Variants in UMODL1 observed in about 807,000 individuals in gnomAD.
UMODL1 encodes the protein uromodulin like 1, also known as uromodulin-like 1.
Under a neutral mutation model 136.3 loss-of-function variants are expected in UMODL1, and 128 were observed. The ratio of observed to expected loss-of-function variants is 0.94; its 90% CI spans 0.81 to 1.09. The LOEUF (loss-of-function observed/expected upper bound fraction) is 1.09, where lower values mean the gene tolerates loss of function less well. UMODL1 is among the 50% of genes least tolerant of loss of function. The pLI is 0.00. For synonymous variants in UMODL1, 721 were observed against 720.0 expected (o/e 1.00, Z -0.02); for missense variants, 1,766 against 1,725.6 (o/e 1.02, Z -0.41).
At chr21:42,073,028 G>A (rs759686154) in intron 1 of UMODL1, among the ~76,000 whole-genome samples, 4 of 152,088 alleles carry the variant, frequency 2.6e-5, no homozygotes, top group African/African-American at 7.2e-5. Flanking sequence ...GTGTGCGCGC[G>A]CGCGTGTGTG....
At chr21:42,100,726 C>T (rs60789409) in intron 7 of UMODL1, among the ~76,000 whole-genome samples, 1,475 of 140,512 alleles carry the variant, frequency 0.01, 29 homozygotes, top group African/African-American at 0.039. Context: ...CCAGCAACCC[C>T]GTGCCCTCCT....
At chr21:42,133,282 C>G (rs934695539) in intron 21 of UMODL1, among the ~76,000 whole-genome samples, 3 of 152,242 alleles carry the variant, frequency 2.0e-5, no homozygotes, top group Admixed American at 6.5e-5. Flanking sequence ...ATCCCACGCT[C>G]TGTCCCTGCC....
Position 42,126,528 on chromosome 21 carries a change from G to C in UMODL1, c.3293+38G>C, listed in dbSNP as rs367911195. 23 of 1,613,634 alleles carry C rather than the reference G, an allele frequency of 1.4e-5. No homozygotes were observed. In the Admixed American group the frequency reaches 3.8e-4, roughly 27 times the overall value. On this transcript the variant is annotated intron_variant, in intron 18 of 22. Coordinates refer to ENST00000408910, the MANE Select transcript of UMODL1 (RefSeq NM_001004416.3). ...TGCCCCGGCTGCCCCACAGCCACGT[G>C]CCTCCAGACCACCTGCGCTTTGAGA...
chr21:42,093,131 T>G (rs1398727864), intron 6 of UMODL1, among the ~76,000 whole-genome samples: 1 of 152,252 alleles, frequency 6.6e-6, no homozygotes, highest in Non-Finnish European at 1.5e-5. Context: ...CCAGAAGAGT[T>G]GAATTATTTT....
chr21:42,115,095 G>A (rs550592059), intron 13 of UMODL1, among the ~76,000 whole-genome samples: 1 of 152,362 alleles, frequency 6.6e-6, no homozygotes, highest in South Asian at 2.1e-4. Flanking sequence ...GCTCTGGGGA[G>A]ATGGACTCTA....
upstream of UMODL1, among the ~76,000 whole-genome samples, chr21:42,070,994 C>A (rs539493699): frequency 4.6e-5 from 7 of 152,320 alleles, no homozygotes; most frequent in African/African-American, 9.6e-5. Context: ...TGCGTAACAA[C>A]GAGATGGGAT....
rs143171042 is a variant in UMODL1, at chr21:42,122,741, G to A, written c.2828-90G>A. On this transcript the variant is annotated intron_variant, in intron 16 of 22. Transcript: ENST00000408910. This position sits in a 1 kb window ranked among gnomAD's most constrained non-coding sequence, Gnocchi z 4.3. ...CAGGTGTGGCTGCTGCAGAGTGCAG[G>A]GCAGCTCCAGTCTGCTCCTTACCCC... 4.6e-3 allele frequency: 6,166 copies of A among 1,350,166 alleles called. 23 individuals carry two copies. The highest frequency in any genetic ancestry group is 0.015 in the South Asian group (1,045 of 67,646). The allele number at this position is 1,350,166 out of a possible 1,614,324, so 83.6% of individuals were successfully genotyped here. A position where few individuals can be genotyped will look rare whatever the true frequency, so the allele number is the denominator to read the frequency against.
chr21:42,111,371 A>G (rs1191646650), intron 11 of UMODL1, 135 bp from the exon 12 acceptor site: 2 of 1,611,342 alleles, frequency 1.2e-6, no homozygotes, highest in Non-Finnish European at 1.7e-6. Context: ...CAGCCAGGGG[A>G]GCACCAGCCA....
intron 14 of UMODL1, among the ~76,000 whole-genome samples, chr21:42,117,196 A>G (rs567135672): frequency 1.3e-5 from 2 of 152,360 alleles, no homozygotes; most frequent in African/African-American, 4.8e-5. Flanking sequence ...ACAGAATCAT[A>G]CAATATGTGA....
chr21:42,125,702 G>A (rs1470840134), intron 17 of UMODL1, among the ~76,000 whole-genome samples: 1 of 152,074 alleles, frequency 6.6e-6, no homozygotes, highest in Non-Finnish European at 1.5e-5. Context: ...CCTGGTGAGG[G>A]AGGTCTGGGG....
intron 14 of UMODL1, among the ~76,000 whole-genome samples, chr21:42,117,704 A>AC (rs1254536962): frequency 1.3e-5 from 2 of 152,216 alleles, no homozygotes; most frequent in Non-Finnish European, 2.9e-5. Context: ...GCCTTTGGGA[A>AC]CGGCCTAGCT....
At chr21:42,139,498 T>A (rs1195508639) in intron 22 of UMODL1, among the ~76,000 whole-genome samples, 3 of 152,122 alleles carry the variant, frequency 2.0e-5, no homozygotes, top group Non-Finnish European at 4.4e-5. Context: ...ACCTTTAATA[T>A]GGGGATCACA....
rs544936734 is a variant in UMODL1 at position 42,104,081 on chromosome 21, G to A, written c.1513G>A (p.Val505Met). The change falls in exon 9 of 23, where the codon GTG (valine) becomes ATG (methionine). Residue 505 changes from valine (V) to methionine (M), a missense_variant. Val to Met is a conservative substitution (Grantham distance 21). Transcript: ENST00000408910. ...CCAGATTGACCGGCAGGGGACACGC[G>A]TGCAAGGTATGGCCCAGCCACCCGC... ...VFQIDRQGTR[V>M]QDWDECVDSA... The A allele has an allele frequency of 2.2e-5, 36 of 1,609,644 alleles. No individual in the cohort carries two copies. Among genetic ancestry groups the A allele is most frequent in the East Asian group, 2.2e-4 (10 of 44,806 alleles).
At chr21:42,094,236 C>G (rs1231263976) in intron 6 of UMODL1, among the ~76,000 whole-genome samples, 1 of 152,216 alleles carries the variant, frequency 6.6e-6, no homozygotes, top group African/African-American at 2.4e-5. Context: ...TAGGGCAGGA[C>G]ACACTAATCC....
rs1429048939 is a variant in UMODL1 at position 42,142,685 on chromosome 21, A to T, written c.*611A>T. On this transcript the variant is annotated 3_prime_UTR_variant, in exon 23 of 23. Coordinates refer to ENST00000408910, the MANE Select transcript of UMODL1 (RefSeq NM_001004416.3). The stretch of plus-strand genomic sequence containing the variant: ...TTTACACGACAGCGACTCAAAAGGC[A>T]CTCGATTAATGTGACAACCTTTTCA... 1 of 152,200 alleles carries T rather than the reference A, an allele frequency of 6.6e-6. No homozygotes were observed. The highest frequency in any genetic ancestry group is 1.5e-5 in the Non-Finnish European group (1 of 68,038). 9.4% of individuals were successfully genotyped at this position (152,200 alleles called of 1,614,324 possible).
chr21:42,071,062 T>C (rs921256042), upstream of UMODL1, among the ~76,000 whole-genome samples: 4 of 152,164 alleles, frequency 2.6e-5, no homozygotes, highest in Non-Finnish European at 4.4e-5. Context: ...GCCATCTGCT[T>C]GGAGCAGAAT....
chr21:42,068,260 G>A (rs146511584), upstream of UMODL1, among the ~76,000 whole-genome samples: 5 of 152,348 alleles, frequency 3.3e-5, no homozygotes, highest in East Asian at 9.6e-4. The surrounding 1 kb of genome is among the most constrained non-coding windows in gnomAD (Gnocchi z 5.5). Context: ...AAGGTCGTGT[G>A]AGCACCTGAG....
At position 42,121,107 on chromosome 21, in the gene UMODL1, AAGG is replaced by A; in HGVS notation, c.2715_2717del (p.Glu905del). On this transcript the variant is annotated inframe_deletion, in exon 16 of 23. Transcript: ENST00000408910. ...TGCAGATTACGATGAGTGTGAAAGG[AAGG>A]AGGACGACTGTGTGCCGGGGACATC... is the stretch of plus-strand genomic sequence containing the variant. The A allele has an allele frequency of 1.2e-6, 2 of 1,613,566 alleles. No homozygotes were observed. The highest frequency in any genetic ancestry group is 1.1e-5 in the South Asian group (1 of 90,964).
chr21:42,113,086 A>G (rs2066857150), intron 12 of UMODL1: 1 of 154,028 alleles, frequency 6.5e-6, no homozygotes. Context: ...TCTGCTAAGC[A>G]GCACAGGCTC....
Sources: allele counts gnomAD v4.1 joint callset (sites outside exome capture counted in the v4.1 genomes callset), GRCh38; gene constraint gnomAD v4.1.1; non-coding constraint Gnocchi (gnomAD v3.1); transcripts MANE v1.5; gene names NCBI Gene and HGNC (gene_info 2026-07-23, HGNC 2026-07-21).